Variants in DAB1 observed in about 807,000 individuals in gnomAD.
DAB1 encodes the protein disabled homolog 1.
A neutral mutation model predicts 64.6 loss-of-function variants in DAB1; 15 were observed. The observed-to-expected ratio is 0.23, with a 90% CI of 0.16 to 0.36. DAB1 has a LOEUF of 0.36. DAB1 is among the 10% of genes least tolerant of loss of function. The pLI is 1.00. For missense variants in DAB1, 596 were observed against 706.7 expected (o/e 0.84, Z 1.78); for synonymous variants, 235 against 251.9 (o/e 0.93, Z 0.64).
intron 2 of DAB1, among the ~76,000 whole-genome samples, chr1:57,170,656 A>T (rs1661660825): frequency 6.6e-6 from 1 of 152,260 alleles, no homozygotes; most frequent in Admixed American, 6.5e-5. Flanking sequence ...TCTGAGTCCA[A>T]CGTCCGTGCT....
At chr1:57,606,661 A>ATT in intron 7 of DAB1, among the ~76,000 whole-genome samples, 3 of 94,374 alleles carry the variant, frequency 3.2e-5, no homozygotes, top group Admixed American at 2.6e-4. Context: ...TTATGTATGA[A>ATT]ATATATATGA....
chr1:58,493,588 T>C (rs1408186346), intron 3 of DAB1, among the ~76,000 whole-genome samples: 5 of 151,234 alleles, frequency 3.3e-5, no homozygotes, highest in Admixed American at 6.6e-5. Context: ...ACAAAATCAA[T>C]GTGCAAAAAT....
intron 1 of DAB1, among the ~76,000 whole-genome samples, chr1:57,356,517 C>A (rs1306046158): frequency 6.6e-6 from 1 of 152,036 alleles, no homozygotes; most frequent in Non-Finnish European, 1.5e-5. Context: ...TCTTGGTCAT[C>A]CAGCACATAT....
Position 57,218,482 on chromosome 1 carries a change from C to A in DAB1, c.67+72482G>T, listed in dbSNP as rs1666592263. ...ATCACTTGGGCTCAGGAGTTTGAGG[C>A]CAACCTGAGCAACATAGTGAGACCC... On this transcript the variant is annotated intron_variant, in intron 2 of 14. Coordinates refer to ENST00000371236, the MANE Select transcript of DAB1 (RefSeq NM_001365792.1). Among the ~76,000 whole-genome samples, 15 of 135,362 alleles carry A rather than the reference C, an allele frequency of 1.1e-4. No homozygotes were observed. In the South Asian group the frequency reaches 3.2e-3, roughly 29 times the overall value. The allele number at this position is 135,362 out of a possible 152,430, so 88.8% of individuals were successfully genotyped here.
chr1:57,642,895 T>C lies in DAB1; in HGVS notation n.625+6697A>G, dbSNP rs185659045. ...TCTCCATGAGTTCTTTGGCAATTCA[T>C]TAATACCTGTGCACCTCACACAAAT... On this transcript the variant is annotated intron_variant and non_coding_transcript_variant, in intron 7 of 20. Coordinates refer to the DAB1 transcript ENST00000485760. Among the ~76,000 whole-genome samples the C allele has an allele frequency of 4.8e-3, 736 of 152,330 alleles. 4 individuals carry two copies. Among genetic ancestry groups the C allele is most frequent in the African/African-American group, 0.017 (708 of 41,566 alleles).
intron 1 of DAB1, chr1:58,533,995 G>GA (rs1235614504): frequency 1.1e-6 from 1 of 871,602 alleles, no homozygotes; most frequent in Non-Finnish European, 2.0e-6. Context: ...GGCCCAGAAG[G>GA]AAAGAAAGTT....
intron 7 of DAB1, among the ~76,000 whole-genome samples, chr1:57,632,339 G>A (rs183245196): frequency 4.6e-5 from 7 of 152,224 alleles, no homozygotes; most frequent in Admixed American, 1.3e-4. Flanking sequence ...CTTTAATAGC[G>A]TTTGTGTGAA....
intron 5 of DAB1, among the ~76,000 whole-genome samples, chr1:57,892,610 T>A (rs1644333395): frequency 6.6e-6 from 1 of 152,214 alleles, no homozygotes; most frequent in Admixed American, 6.5e-5. Context: ...CTGTTCTTTT[T>A]TACCTTATTC....
intron 3 of DAB1, among the ~76,000 whole-genome samples, chr1:58,458,798 G>A (rs1438100353): frequency 6.6e-6 from 1 of 151,130 alleles, no homozygotes; most frequent in Non-Finnish European, 1.5e-5. Flanking sequence ...CTGGGTGACA[G>A]ACAAAGATTC....
At position 58,500,643 on chromosome 1, in the gene DAB1, C is replaced by T. The variant is rs149492521; in HGVS notation, n.257+5417G>A. On this transcript the variant is annotated intron_variant and non_coding_transcript_variant, in intron 3 of 20. Transcript: ENST00000485760. ...AAGCCAGTATTGAAAGCTCTAAAAACATTTAAAAATATATCCTATTCAAAT... is the reference window on the plus strand; with the variant it reads ...AAGCCAGTATTGAAAGCTCTAAAAATATTTAAAAATATATCCTATTCAAAT... Among the ~76,000 whole-genome samples, 550 of 152,204 alleles carry T rather than the reference C, an allele frequency of 3.6e-3. 5 individuals carry two copies. The highest frequency in any genetic ancestry group is 0.025 in the Admixed American group (379 of 15,282).
At chr1:58,167,554 C>T (rs1185741445) in intron 4 of DAB1, among the ~76,000 whole-genome samples, 1 of 152,340 alleles carries the variant, frequency 6.6e-6, no homozygotes. Flanking sequence ...AAGCTGGCCA[C>T]CCAAGCCAGC....
At chr1:58,386,586 T>C (rs1217678133) in intron 3 of DAB1, among the ~76,000 whole-genome samples, 1 of 152,206 alleles carries the variant, frequency 6.6e-6, no homozygotes, top group Non-Finnish European at 1.5e-5. Context: ...TGAACTCCAC[T>C]TCTGGTCTTA....
At chr1:57,655,614 A>G (rs989058918) in intron 6 of DAB1, among the ~76,000 whole-genome samples, 3 of 152,242 alleles carry the variant, frequency 2.0e-5, no homozygotes, top group Non-Finnish European at 4.4e-5. Flanking sequence ...ACAGAGAAAG[A>G]CAATAAACAA....
At chr1:57,598,912 T>C (rs2101582183) in intron 7 of DAB1, among the ~76,000 whole-genome samples, 1 of 152,326 alleles carries the variant, frequency 6.6e-6, no homozygotes, top group African/African-American at 2.4e-5. Context: ...GAGCATTTCA[T>C]GAGGTCTCAG....
chr1:57,148,685 T>G (rs1214959329), intron 2 of DAB1, among the ~76,000 whole-genome samples: 1 of 152,112 alleles, frequency 6.6e-6, no homozygotes, highest in Non-Finnish European at 1.5e-5. Flanking sequence ...TGTTATTGAG[T>G]TTTTAGTACA....
At chr1:58,030,512 T>C (rs78534357) in intron 5 of DAB1, among the ~76,000 whole-genome samples, 3,872 of 152,302 alleles carry the variant, frequency 0.025, 145 homozygotes, top group African/African-American at 0.085. Flanking sequence ...TTTAGCCTGT[T>C]CATCTAACCG....
intron 1 of DAB1, among the ~76,000 whole-genome samples, chr1:57,415,167 T>G (rs994354288): frequency 6.6e-6 from 1 of 151,900 alleles, no homozygotes; most frequent in Non-Finnish European, 1.5e-5. Flanking sequence ...CTAAAACATA[T>G]GCTTAGAAAT....
Position 58,159,996 on chromosome 1 carries a change from CT to C in DAB1, n.310-9409del, listed in dbSNP as rs56147464. Among the ~76,000 whole-genome samples, 165 of 150,100 alleles carry C rather than the reference CT, an allele frequency of 1.1e-3. 1 individual carries two copies. Among genetic ancestry groups the C allele is most frequent in the African/African-American group, 3.7e-3 (152 of 40,956 alleles). Reference sequence around the variant, plus strand: ...TGAAGGAGGAAATAAAAGAAGATACCTTTTTTTTTTCTTAAAGAGTTCTTCC... The same window carrying C: ...TGAAGGAGGAAATAAAAGAAGATACCTTTTTTTTTCTTAAAGAGTTCTTCC... On this transcript the variant is annotated intron_variant and non_coding_transcript_variant, in intron 4 of 20. Coordinates refer to the DAB1 transcript ENST00000485760.
At chr1:58,076,618 T>C (rs1289649815) in intron 5 of DAB1, among the ~76,000 whole-genome samples, 4 of 152,250 alleles carry the variant, frequency 2.6e-5, no homozygotes, top group African/African-American at 4.8e-5. Context: ...TCCTAATTAG[T>C]AAACGATAGA....
Sources: gnomAD v4.1 joint callset for allele counts (sites outside exome capture counted in the v4.1 genomes callset) on GRCh38, gnomAD v4.1.1 for gene constraint, MANE v1.5 for transcripts, NCBI Gene and HGNC (gene_info 2026-07-23, HGNC 2026-07-21) for gene names.